The following PRKG1 variants were observed in gnomAD, a reference collection of about 807,000 sequenced individuals.
The protein encoded by PRKG1 is protein kinase cGMP-dependent 1.
A neutral mutation model predicts 88.1 loss-of-function variants in PRKG1; 35 were observed. That is an observed-to-expected ratio of 0.40 (90% CI 0.30 to 0.53). The LOEUF is 0.53. Among genes scored for constraint, PRKG1 ranks in the 20% least tolerant of loss-of-function variants. PRKG1 has a pLI of 0.59. For synonymous variants in PRKG1, 303 were observed against 292.5 expected (o/e 1.04, Z -0.37); for missense variants, 540 against 839.8 (o/e 0.64, Z 4.41).
chr10:51,584,169 G>T (rs958583183), intron 3 of PRKG1, among the ~76,000 whole-genome samples: 1 of 151,900 alleles, frequency 6.6e-6, no homozygotes, highest in African/African-American at 2.4e-5. Context: ...GAACCTCAGG[G>T]TAACTCACTG....
At chr10:51,816,108 T>TA (rs1487478859) in intron 4 of PRKG1, among the ~76,000 whole-genome samples, 1 of 152,252 alleles carries the variant, frequency 6.6e-6, no homozygotes, top group African/African-American at 2.4e-5. Context: ...AATATGATTT[T>TA]ACTAAGGCAT....
At chr10:52,213,934 C>G (rs2132809399) in intron 9 of PRKG1, among the ~76,000 whole-genome samples, 1 of 152,244 alleles carries the variant, frequency 6.6e-6, no homozygotes, top group African/African-American at 2.4e-5. Flanking sequence ...AAAAGGAAAA[C>G]CAAACATACA....
At chr10:52,010,473 T>C (rs1844852612) in intron 5 of PRKG1, among the ~76,000 whole-genome samples, 7 of 152,136 alleles carry the variant, frequency 4.6e-5, no homozygotes, top group Admixed American at 4.6e-4. Context: ...TAATCATTAC[T>C]TAAACCAGGG....
intron 2 of PRKG1, among the ~76,000 whole-genome samples, chr10:51,274,290 C>T (rs1840058174): frequency 6.6e-6 from 1 of 152,134 alleles, no homozygotes; most frequent in African/African-American, 2.4e-5. Context: ...CTTTCCTTTC[C>T]TAGATCCTGT....
At chr10:51,313,909 C>T (rs979665000) in intron 2 of PRKG1, among the ~76,000 whole-genome samples, 7 of 152,088 alleles carry the variant, frequency 4.6e-5, no homozygotes, top group Non-Finnish European at 1.0e-4. Context: ...TTCATGAAAA[C>T]ATTTTTCTGA....
rs1176454697 is a variant in PRKG1 at position 51,204,327 on chromosome 10, TC to T, written c.478+50999del. 5.9e-5 allele frequency among the ~76,000 whole-genome samples: 9 copies of T among 152,194 alleles called. No individual in the cohort carries two copies. The East Asian group carries it at 1.7e-3, about 29-fold the overall frequency. On this transcript the variant is annotated intron_variant, in intron 2 of 17. Transcript: ENST00000373980. ...GTGACCTCCTCTTTGGTATTTTTTT[TC>T]CATTGGAACAGCTTATTTAGATTAT... is the stretch of plus-strand genomic sequence containing the variant.
In PRKG1 at chr10:51,894,316, C is replaced by T. The variant is rs181176599; in HGVS notation, c.699-13191C>T. Among the ~76,000 whole-genome samples, 45 of 152,090 alleles carry T rather than the reference C, an allele frequency of 3.0e-4. 1 individual carries two copies. Among genetic ancestry groups the T allele is most frequent in the African/African-American group, 7.2e-4 (30 of 41,502 alleles). On this transcript the variant is annotated intron_variant, in intron 4 of 17. Transcript: ENST00000373980. ...ACTGGATGAAATAAGCAGACACAAA[C>T]GGACAAATATTGTGATTCTACTTCT...
chr10:51,042,624 C>T (rs1043512355), intron 1 of PRKG1, among the ~76,000 whole-genome samples: 3 of 152,106 alleles, frequency 2.0e-5, no homozygotes, highest in African/African-American at 4.8e-5. Flanking sequence ...ATCTGTCACC[C>T]GCGGAACAGA....
At chr10:51,132,047 C>T (rs1471668357) in intron 1 of PRKG1, among the ~76,000 whole-genome samples, 2 of 152,052 alleles carry the variant, frequency 1.3e-5, no homozygotes, top group Admixed American at 6.6e-5. Context: ...TGTCTTAGCT[C>T]GGGAAATAAA....
chr10:52,294,032 G>A lies in PRKG1; in HGVS notation c.*132G>A. On this transcript the variant is annotated 3_prime_UTR_variant, in exon 18 of 18. Coordinates refer to ENST00000373980, the MANE Select transcript of PRKG1 (RefSeq NM_006258.4). ...GATGCCTTTGATCGATGCTGCTCCA[G>A]TAACTACAGTGGCATTAGGACTTAC... The A allele has an allele frequency of 1.5e-6, 1 of 668,866 alleles. No homozygotes were observed. Among genetic ancestry groups the A allele is most frequent in the Admixed American group, 2.8e-5 (1 of 35,928 alleles). 41.4% of individuals were successfully genotyped at this position (668,866 alleles called of 1,614,324 possible).
chr10:51,280,414 C>T (rs1840260475), intron 2 of PRKG1, among the ~76,000 whole-genome samples: 1 of 152,098 alleles, frequency 6.6e-6, no homozygotes, highest in African/African-American at 2.4e-5. Flanking sequence ...TGAATGTTGG[C>T]CTGCCTTGCT....
chr10:52,239,693 G>A (rs941144729), intron 9 of PRKG1, among the ~76,000 whole-genome samples: 1 of 146,712 alleles, frequency 6.8e-6, no homozygotes, highest in Non-Finnish European at 1.5e-5. Context: ...AGACATGAAT[G>A]TCAGCTGAAG....
At chr10:51,935,375 A>G (rs1030771628) in intron 5 of PRKG1, among the ~76,000 whole-genome samples, 2 of 152,096 alleles carry the variant, frequency 1.3e-5, no homozygotes, top group African/African-American at 4.8e-5. Context: ...GCTCCTTATG[A>G]TTTAAACAAA....
At chr10:51,917,684 G>A (rs557518314) in intron 5 of PRKG1, among the ~76,000 whole-genome samples, 67 of 152,134 alleles carry the variant, frequency 4.4e-4, no homozygotes, top group Non-Finnish European at 7.9e-4. Context: ...ATTTGGTAGG[G>A]ATGTTGTAGA....
intron 9 of PRKG1, among the ~76,000 whole-genome samples, chr10:52,203,389 T>C (rs576127075): frequency 2.0e-5 from 3 of 152,246 alleles, no homozygotes; most frequent in Non-Finnish European, 4.4e-5. Context: ...GTGGTGGATA[T>C]AATTTCATTT....
chr10:51,103,569 T>C (rs1844739409), intron 1 of PRKG1, among the ~76,000 whole-genome samples: 1 of 152,274 alleles, frequency 6.6e-6, no homozygotes, highest in East Asian at 1.9e-4. Context: ...TTACCTACTT[T>C]ACACGCCTTC....
At chr10:52,069,415 C>T (rs1846437651) in intron 7 of PRKG1, among the ~76,000 whole-genome samples, 1 of 152,048 alleles carries the variant, frequency 6.6e-6, no homozygotes, top group Non-Finnish European at 1.5e-5. Flanking sequence ...CCTGTAATTC[C>T]AGCTACTCGG....
intron 2 of PRKG1, among the ~76,000 whole-genome samples, chr10:51,374,607 G>A (rs1010733813): frequency 2.4e-4 from 36 of 152,050 alleles, no homozygotes; most frequent in Admixed American, 2.0e-3. Flanking sequence ...TATCTTGTGA[G>A]GACCCAGCAT....
At chr10:51,053,357 T>C (rs1157717537) in intron 1 of PRKG1, among the ~76,000 whole-genome samples, 2 of 152,214 alleles carry the variant, frequency 1.3e-5, no homozygotes, top group Non-Finnish European at 2.9e-5. Flanking sequence ...AAGAAAACCT[T>C]GGTGCCACGT....
Sources: allele counts gnomAD v4.1 joint callset (sites outside exome capture counted in the v4.1 genomes callset), GRCh38; gene constraint gnomAD v4.1.1; transcripts MANE v1.5; gene names NCBI Gene and HGNC (gene_info 2026-07-23, HGNC 2026-07-21).